OTOP1: variants seen among roughly 807,000 people sequenced by gnomAD.
OTOP1 encodes proton channel OTOP1.
In OTOP1, 59 loss-of-function variants were observed where a neutral mutation model predicts 52.9. That is an observed-to-expected ratio of 1.12 (90% confidence interval 0.91 to 1.39). OTOP1 has a LOEUF of 1.39. Ranked by LOEUF, OTOP1 falls within the 40% of genes most tolerant of loss-of-function variation. The pLI is 0.00. For synonymous variants in OTOP1, 317 were observed against 337.7 expected, an observed-to-expected ratio of 0.94 and a Z score of 0.67; for missense variants, 761 against 800.9, an observed-to-expected ratio of 0.95 and a Z score of 0.60.
chr4:4,203,568 C>A (rs1010258938), intron 3 of OTOP1, among the ~76,000 whole-genome samples: 1 of 152,220 alleles, frequency 6.6e-6, no homozygotes, highest in Non-Finnish European at 1.5e-5. Flanking sequence ...CGACACTGGA[C>A]TCTGGGTAGC....
chr4:4,188,754 C>T lies in OTOP1; in HGVS notation c.*49G>A. The stretch of plus-strand genomic sequence containing the variant: ...GCCCAACCTGGCCACTCCTAGTTGG[C>T]TCCAATGAACTCTTGTTAGCTCACT... On this transcript the variant is annotated 3_prime_UTR_variant, in exon 6 of 6. Coordinates refer to ENST00000296358, the MANE Select transcript of OTOP1 (RefSeq NM_177998.3). 6.6e-7 allele frequency: 1 copy of T among 1,511,128 alleles called. No homozygotes were observed. Among genetic ancestry groups the T allele is most frequent in the Non-Finnish European group, 8.9e-7 (1 of 1,126,552 alleles). The allele number at this position is 1,511,128 out of a possible 1,614,324, so 93.6% of individuals were successfully genotyped here.
intron 4 of OTOP1, among the ~76,000 whole-genome samples, chr4:4,201,722 T>C (rs543746352): frequency 8.2e-4 from 125 of 152,258 alleles, no homozygotes; most frequent in Non-Finnish European, 1.5e-3. Flanking sequence ...AGTGCATGAT[T>C]TGGATACCCT....
chr4:4,226,903 CTGCCGTCG>C lies in OTOP1; in HGVS notation c.-47_-40del. On this transcript the variant is annotated 5_prime_UTR_variant, in exon 1 of 6. Coordinates refer to ENST00000296358, the MANE Select transcript of OTOP1 (RefSeq NM_177998.3). Reference sequence around the variant, plus strand: ...GCGCCAAGTCTGGTCCCGGGGGTGGCTGCCGTCGGGCCCCGCCTGCGCTCCTGGCTCCT... The same window carrying C: ...GCGCCAAGTCTGGTCCCGGGGGTGGCGGCCCCGCCTGCGCTCCTGGCTCCT... 1 of 1,295,630 alleles carries C rather than the reference CTGCCGTCG, an allele frequency of 7.7e-7. No homozygotes were observed. 80.3% of individuals were successfully genotyped at this position (1,295,630 alleles called of 1,614,324 possible). A position where few individuals can be genotyped will look rare whatever the true frequency, so the allele number is the denominator to read the frequency against.
chr4:4,205,472 G>T (rs766405718), intron 3 of OTOP1, among the ~76,000 whole-genome samples: 23 of 152,142 alleles, frequency 1.5e-4, no homozygotes, highest in Non-Finnish European at 2.9e-4. Flanking sequence ...GTTCTTACTG[G>T]GGACAGCTCT....
At position 4,226,745 on chromosome 4, in the gene OTOP1, T is replaced by C. The variant is rs76810534; in HGVS notation, c.120A>G (p.Glu40=). 1 of 1,394,258 alleles carries C rather than the reference T, an allele frequency of 7.2e-7. No homozygotes were observed. The highest frequency in any genetic ancestry group is 9.3e-7 in the Non-Finnish European group (1 of 1,073,428). 86.4% of individuals were successfully genotyped at this position (1,394,258 alleles called of 1,614,324 possible). ...CACCGCCCCGCCGGGGGGCCGGGGA[T>C]TCCGGGGACCTCGGGGCCGAGGACG... is the stretch of plus-strand genomic sequence containing the variant. ...PPSSSAPRSP[E]SPAPRRGGVR... Residue 40 remains glutamate (E), a synonymous_variant, in exon 1 of 6, where the codon GAA becomes GAG. Transcript: ENST00000296358.
intron 2 of OTOP1, among the ~76,000 whole-genome samples, chr4:4,208,088 G>T (rs983836963): frequency 6.6e-6 from 1 of 152,246 alleles, no homozygotes; most frequent in Non-Finnish European, 1.5e-5. Flanking sequence ...AAGACATCAG[G>T]TATGCATTTG....
intron 1 of OTOP1, among the ~76,000 whole-genome samples, chr4:4,220,124 T>C (rs1410960565): frequency 3.8e-5 from 5 of 131,008 alleles, no homozygotes; most frequent in Non-Finnish European, 6.3e-5. Context: ...TTTTTTGAGA[T>C]GGAGTTTCAC....
intron 1 of OTOP1, among the ~76,000 whole-genome samples, chr4:4,214,581 A>G (rs1488006627): frequency 6.6e-6 from 1 of 152,236 alleles, no homozygotes; most frequent in Non-Finnish European, 1.5e-5. Flanking sequence ...ATAGGTAAAC[A>G]CAATGAGGTA....
intron 1 of OTOP1, among the ~76,000 whole-genome samples, chr4:4,220,093 ATATATATATATAT>A (rs1717264349): frequency 4.0e-5 from 4 of 100,780 alleles, no homozygotes; most frequent in Admixed American, 3.3e-4. Flanking sequence ...ATATATATAT[ATATATATATATAT>A]TTTTTTTTTT....
At chr4:4,206,869 T>A (rs1424736666) in intron 2 of OTOP1, among the ~76,000 whole-genome samples, 2 of 152,212 alleles carry the variant, frequency 1.3e-5, no homozygotes, top group African/African-American at 4.8e-5. Flanking sequence ...TTTCAATAAA[T>A]ATTCTCCACT....
At chr4:4,195,332 CA>C (rs1716598151) in intron 5 of OTOP1, among the ~76,000 whole-genome samples, 1 of 152,250 alleles carries the variant, frequency 6.6e-6, no homozygotes, top group South Asian at 2.1e-4. Context: ...GGTGAACTTC[CA>C]GTCATTCCTT....
chr4:4,200,533 C>T (rs1318370992), intron 4 of OTOP1, among the ~76,000 whole-genome samples: 1 of 149,878 alleles, frequency 6.7e-6, no homozygotes, highest in African/African-American at 2.4e-5. Flanking sequence ...TGTCACAGAA[C>T]ACTATGAAAT....
At chr4:4,220,579 T>C (rs533640807) in intron 1 of OTOP1, among the ~76,000 whole-genome samples, 21 of 152,292 alleles carry the variant, frequency 1.4e-4, no homozygotes, top group African/African-American at 4.8e-4. Context: ...ACCTATCTCA[T>C]AGGGGTGCTG....
At chr4:4,191,376 C>A (rs1716501783) in intron 5 of OTOP1, among the ~76,000 whole-genome samples, 1 of 152,142 alleles carries the variant, frequency 6.6e-6, no homozygotes, top group African/African-American at 2.4e-5. Context: ...CAGATCCTGT[C>A]CCTACCTTGA....
chr4:4,197,450 G>T lies in OTOP1; in HGVS notation c.1384C>A (p.Arg462=), dbSNP rs773806898. The T allele has an allele frequency of 5.6e-6, 9 of 1,613,990 alleles. No homozygotes were observed. The highest frequency in any genetic ancestry group is 2.7e-5 in the African/African-American group (2 of 74,900). Residue 462 remains arginine (R), a synonymous_variant, in exon 5 of 6, where the codon CGG becomes AGG. Coordinates refer to ENST00000296358, the MANE Select transcript of OTOP1 (RefSeq NM_177998.3). ...EKLSEDIQTL[R]VVTVCNGNTM... is the part of the protein sequence containing the mutation. ...TTGCCATTGCAGACTGTGACCACCC[G>T]AAGGGTTTGGATGTCCTCAGAGAGT...
intron 5 of OTOP1, among the ~76,000 whole-genome samples, chr4:4,191,321 G>A (rs574057660): frequency 1.6e-4 from 25 of 152,080 alleles, no homozygotes; most frequent in South Asian, 4.2e-4. Context: ...CTCCCAGCTC[G>A]CACTAGGGCT....
At chr4:4,220,021 G>A (rs1320959404) in intron 1 of OTOP1, among the ~76,000 whole-genome samples, 1 of 104,252 alleles carries the variant, frequency 9.6e-6, no homozygotes. Context: ...GTATATACAT[G>A]TATATACGTA....
chr4:4,215,188 T>C lies in OTOP1; in HGVS notation c.404-2184A>G, dbSNP rs113934400. Among the ~76,000 whole-genome samples, 4 of 152,226 alleles carry C rather than the reference T, an allele frequency of 2.6e-5. No homozygotes were observed. In the East Asian group the frequency reaches 7.7e-4, roughly 29 times the overall value. ...AAACTAGAAGGCAGGTGCTGTGTCC[T>C]GTTCATCATTGTACTCACCCCATAG... On this transcript the variant is annotated intron_variant, in intron 1 of 5. Transcript: ENST00000296358.
intron 1 of OTOP1, among the ~76,000 whole-genome samples, chr4:4,225,711 A>C (rs2920241): frequency 0.62 from 93,652 of 151,924 alleles, 30,910 homozygotes; most frequent in African/African-American, 0.86. Context: ...TTTCATTCAT[A>C]CCCCCTCATT....
Sources: gnomAD v4.1 joint callset for allele counts (sites outside exome capture counted in the v4.1 genomes callset) on GRCh38, gnomAD v4.1.1 for gene constraint, MANE v1.5 for transcripts, NCBI Gene and HGNC (gene_info 2026-07-23, HGNC 2026-07-21) for gene names.